CASZ1: variants seen among roughly 807,000 people sequenced by gnomAD.
CASZ1 encodes zinc finger protein castor homolog 1.
In CASZ1, 28 loss-of-function variants were observed where a neutral mutation model predicts 135.2. The ratio of observed to expected loss-of-function variants is 0.21; its 90% CI spans 0.15 to 0.28. The LOEUF is 0.28. Among genes scored for constraint, CASZ1 ranks in the 10% least tolerant of loss-of-function variants. CASZ1 has a pLI of 1.00. For missense variants in CASZ1, 2,161 were observed against 2,453.3 expected, an observed-to-expected ratio of 0.88 and a Z score of 2.52; for synonymous variants, 1,068 against 1,073.4, an observed-to-expected ratio of 0.99 and a Z score of 0.10.
chr1:10,789,373 C>G (rs1640914658), intron 1 of CASZ1, among the ~76,000 whole-genome samples: 1 of 151,522 alleles, frequency 6.6e-6, no homozygotes, highest in Admixed American at 6.6e-5. Flanking sequence ...CCCCCGCACC[C>G]CCTCCTCTGC....
At chr1:10,658,209 A>T in intron 7 of CASZ1, 4 of 378,114 alleles carry the variant, frequency 1.1e-5, no homozygotes, top group Admixed American at 3.6e-5. Context: ...AGCAGGACCC[A>T]GGCAAGCTGG....
chr1:10,652,119 C>T (rs1206112199), intron 11 of CASZ1: 1 of 146,750 alleles, frequency 6.8e-6, no homozygotes, highest in Non-Finnish European at 1.5e-5. Flanking sequence ...TCCAAAGTCA[C>T]CTGCCCAAGG....
intron 1 of CASZ1, among the ~76,000 whole-genome samples, chr1:10,772,331 G>A (rs770176986): frequency 5.9e-5 from 9 of 152,182 alleles, no homozygotes; most frequent in African/African-American, 9.7e-5. Context: ...GCCACCATTG[G>A]CCACATGCCC....
chr1:10,762,911 C>T lies in CASZ1; in HGVS notation c.-233-2054G>A, dbSNP rs114487741. On this transcript the variant is annotated intron_variant, in intron 1 of 20. Coordinates refer to ENST00000377022, the MANE Select transcript of CASZ1 (RefSeq NM_001079843.3). This position sits in a 1 kb window ranked among gnomAD's most constrained non-coding sequence, Gnocchi z 4.1. ...GGGCTCCAGGCCCTGGTGGGACGCT[C>T]GTTGGGCTTCTTCCAGCGGAAAGTG... is the stretch of plus-strand genomic sequence containing the variant. Among the ~76,000 whole-genome samples, 706 of 152,308 alleles carry T rather than the reference C, an allele frequency of 4.6e-3. 7 individuals carry two copies. Among genetic ancestry groups the T allele is most frequent in the African/African-American group, 0.016 (645 of 41,568 alleles).
chr1:10,792,390 G>A lies in CASZ1; in HGVS notation c.-234+4174C>T, dbSNP rs1192771587. 4.0e-4 allele frequency among the ~76,000 whole-genome samples: 56 copies of A among 139,918 alleles called. 1 individual carries two copies. The highest frequency in any genetic ancestry group is 2.4e-4 in the Non-Finnish European group (16 of 65,328). 91.8% of individuals were successfully genotyped at this position (139,918 alleles called of 152,430 possible). On this transcript the variant is annotated intron_variant, in intron 1 of 20. Coordinates refer to ENST00000377022, the MANE Select transcript of CASZ1 (RefSeq NM_001079843.3). The stretch of plus-strand genomic sequence containing the variant: ...AATGTGGAGGGGTGGGGTTGGGGGG[G>A]GTGTCCAGTTGAAAAAGTAAAGCAG...
intron 2 of CASZ1, among the ~76,000 whole-genome samples, chr1:10,745,422 C>T (rs1016269318): frequency 6.6e-6 from 1 of 152,126 alleles, no homozygotes; most frequent in Non-Finnish European, 1.5e-5. Flanking sequence ...TCTTGACCTT[C>T]CTTGCCCTTC....
intron 3 of CASZ1, among the ~76,000 whole-genome samples, chr1:10,695,253 C>A (rs1638903939): frequency 6.6e-6 from 1 of 151,966 alleles, no homozygotes; most frequent in African/African-American, 2.4e-5. Context: ...CCAGGAGCGC[C>A]GGCCTGGGAC....
At chr1:10,671,594 T>C (rs546685437) in intron 4 of CASZ1, among the ~76,000 whole-genome samples, 22 of 152,212 alleles carry the variant, frequency 1.4e-4, no homozygotes, top group African/African-American at 5.3e-4. Flanking sequence ...CCCTCCCCTC[T>C]CTGTGGCCCC....
chr1:10,656,546 GAACT>G, intron 8 of CASZ1, 96 bp downstream of exon 8: 2 of 891,678 alleles, frequency 2.2e-6, no homozygotes, highest in South Asian at 1.5e-5. Context: ...GGTGCAACTA[GAACT>G]AACCCCCCCC....
rs1321800447 is a variant in CASZ1 at position 10,739,406 on chromosome 1, G to T, written c.-77+21295C>A. Among the ~76,000 whole-genome samples, 1 of 152,020 alleles carries T rather than the reference G, an allele frequency of 6.6e-6. No homozygotes were observed. The highest frequency in any genetic ancestry group is 1.5e-5 in the Non-Finnish European group (1 of 67,954). On this transcript the variant is annotated intron_variant, in intron 2 of 20. Transcript: ENST00000377022. The surrounding 1 kb of genome is among the most constrained non-coding windows in gnomAD (Gnocchi z 4.8). ...GGTGAGGAGGAGGAGGACCACATGC[G>T]CAGGGAAGGGCATGGGGCACAGCAT... is the stretch of plus-strand genomic sequence containing the variant.
chr1:10,706,604 C>T lies in CASZ1; in HGVS notation c.-76-1060G>A, dbSNP rs1036166965. Reference sequence around the variant, plus strand: ...CCACCCAGTCCCACCGCCCGCTCTCCGGTTCCCAGGACATATTTAGACAGA... The same window carrying T: ...CCACCCAGTCCCACCGCCCGCTCTCTGGTTCCCAGGACATATTTAGACAGA... On this transcript the variant is annotated intron_variant, in intron 2 of 20. Transcript: ENST00000377022. The surrounding 1 kb of genome is among the most constrained non-coding windows in gnomAD (Gnocchi z 4.3). Among the ~76,000 whole-genome samples, 1 of 152,236 alleles carries T rather than the reference C, an allele frequency of 6.6e-6. No individual in the cohort carries two copies. The highest frequency in any genetic ancestry group is 2.1e-4 in the South Asian group (1 of 4,838).
chr1:10,690,627 GACAAGGCTGCAGCCACA>G (rs1019758868), intron 4 of CASZ1, among the ~76,000 whole-genome samples: 8 of 152,202 alleles, frequency 5.3e-5, no homozygotes, highest in South Asian at 2.1e-4. Flanking sequence ...CCGCCTCGAC[GACAAGGCTGCAGCCACA>G]GCGACACATG....
chr1:10,761,087 G>A (rs1402344111), intron 1 of CASZ1, among the ~76,000 whole-genome samples: 3 of 152,252 alleles, frequency 2.0e-5, no homozygotes, highest in African/African-American at 7.2e-5. Flanking sequence ...ATTAGCCAAT[G>A]GCTACGCAGT....
At chr1:10,730,374 T>A (rs145582599) in intron 2 of CASZ1, among the ~76,000 whole-genome samples, 8 of 152,278 alleles carry the variant, frequency 5.3e-5, no homozygotes, top group East Asian at 1.9e-4. Flanking sequence ...GCTGCAAATA[T>A]GATTAACTTT....
chr1:10,695,014 G>A (rs2100416324), intron 3 of CASZ1, among the ~76,000 whole-genome samples: 1 of 149,066 alleles, frequency 6.7e-6, no homozygotes, highest in African/African-American at 2.4e-5. Context: ...CGCGAGGGCG[G>A]GCGCAGGTGT....
At position 10,657,141 on chromosome 1, in the gene CASZ1, G is replaced by A. The variant is rs76038669; in HGVS notation, c.1410-405C>T. Among the ~76,000 whole-genome samples, 24 of 152,358 alleles carry A rather than the reference G, an allele frequency of 1.6e-4. 1 individual carries two copies. The East Asian group carries it at 4.6e-3, about 29-fold the overall frequency. ...CAGCCGGGCTCTGATGCTGAGAGGTGTTAAAGGGCTCTCTCTGTCCTGGGC... is the reference window on the plus strand; with the variant it reads ...CAGCCGGGCTCTGATGCTGAGAGGTATTAAAGGGCTCTCTCTGTCCTGGGC... On this transcript the variant is annotated intron_variant, in intron 7 of 20. Transcript: ENST00000377022. The surrounding 1 kb of genome is among the most constrained non-coding windows in gnomAD (Gnocchi z 5.7).
In CASZ1 at chr1:10,646,062, C is replaced by T; in HGVS notation, c.3696+66G>A. ...TCTGCCAGGAGGTGACTGTCCTGTGCCCTGAGCTAGCCCTGCACCTCCCTG... is the reference window on the plus strand; with the variant it reads ...TCTGCCAGGAGGTGACTGTCCTGTGTCCTGAGCTAGCCCTGCACCTCCCTG... On this transcript the variant is annotated intron_variant, in intron 17 of 20. Coordinates refer to ENST00000377022, the MANE Select transcript of CASZ1 (RefSeq NM_001079843.3). This position sits in a 1 kb window ranked among gnomAD's most constrained non-coding sequence, Gnocchi z 6.4. 6.7e-7 allele frequency: 1 copy of T among 1,498,212 alleles called. No individual in the cohort carries two copies. Among genetic ancestry groups the T allele is most frequent in the Non-Finnish European group, 9.3e-7 (1 of 1,079,762 alleles). 92.8% of individuals were successfully genotyped at this position (1,498,212 alleles called of 1,614,324 possible).
rs745873213 is a variant in CASZ1, at chr1:10,646,528, G to A, written c.3498-202C>T. 6.6e-6 allele frequency among the ~76,000 whole-genome samples: 1 copy of A among 152,234 alleles called. No homozygotes were observed. Among genetic ancestry groups the A allele is most frequent in the Non-Finnish European group, 1.5e-5 (1 of 68,040 alleles). ...CATGCATTCCTGCCTCCTTTTAGGA[G>A]CTCTGCATGGTGCACAGGGATTGCA... On this transcript the variant is annotated intron_variant, in intron 16 of 20. Coordinates refer to ENST00000377022, the MANE Select transcript of CASZ1 (RefSeq NM_001079843.3). This position sits in a 1 kb window ranked among gnomAD's most constrained non-coding sequence, Gnocchi z 6.4.
At chr1:10,656,257 C>G (rs1011317267) in intron 8 of CASZ1, among the ~76,000 whole-genome samples, 1 of 152,264 alleles carries the variant, frequency 6.6e-6, no homozygotes, top group Non-Finnish European at 1.5e-5. Flanking sequence ...GCCTTGGGCA[C>G]AGTGGCACTC....
Sources: allele counts gnomAD v4.1 joint callset (sites outside exome capture counted in the v4.1 genomes callset), GRCh38; gene constraint gnomAD v4.1.1; non-coding constraint Gnocchi (gnomAD v3.1); transcripts MANE v1.5; gene names NCBI Gene and HGNC (gene_info 2026-07-23, HGNC 2026-07-21).